Variants in RGPD2 observed in about 807,000 individuals in gnomAD.
RGPD2 encodes RANBP2 like and GRIP domain containing 2, also known as RANBP2-like and GRIP domain-containing protein 2.
RGPD2 carries 2 observed loss-of-function variants against 36.0 expected under a neutral mutation model. That is an observed-to-expected ratio of 0.06 (90% CI 0.02 to 0.17). The LOEUF (loss-of-function observed/expected upper bound fraction) is 0.17. Ranked by LOEUF, RGPD2 falls within the 10% of genes least tolerant of loss-of-function variation. The pLI is 1.00. For synonymous variants in RGPD2, 19 were observed against 163.8 expected, an observed-to-expected ratio of 0.12 and a Z score of 6.75; for missense variants, 40 against 464.3, an observed-to-expected ratio of 0.09 and a Z score of 8.40.
At chr2:87,975,106 A>C in the RGPD2 span, among the ~76,000 whole-genome samples, 1 of 152,240 alleles carries the variant, frequency 6.6e-6, no homozygotes, top group African/African-American at 2.4e-5. Context: ...TACCAGGCTC[A>C]TTCCTGGTCC....
At chr2:87,853,474 T>C in the RGPD2 span, among the ~76,000 whole-genome samples, 1 of 151,666 alleles carries the variant, frequency 6.6e-6, no homozygotes, top group African/African-American at 2.4e-5. Context: ...TCCTCTCACC[T>C]TGGCCTCCCA....
At chr2:87,963,841 T>C in the RGPD2 span, among the ~76,000 whole-genome samples, 2 of 125,480 alleles carry the variant, frequency 1.6e-5, no homozygotes, top group Non-Finnish European at 3.3e-5. Context: ...TTCTTTCTTT[T>C]TTTTTTTTTT....
chr2:87,805,752 C>T (rs1218719009), intron 7 of RGPD2, among the ~76,000 whole-genome samples: 2 of 151,966 alleles, frequency 1.3e-5, no homozygotes, highest in East Asian at 1.9e-4. Context: ...TCCAGCTACT[C>T]GGGAGGCTGA....
chr2:87,977,653 C>T, the RGPD2 span, among the ~76,000 whole-genome samples: 48 of 148,152 alleles, frequency 3.2e-4, no homozygotes, highest in African/African-American at 4.2e-4. Flanking sequence ...TTTCTTTAAA[C>T]GAGAAAAAAA....
chr2:87,921,605 G>A, the RGPD2 span, among the ~76,000 whole-genome samples: 1 of 152,244 alleles, frequency 6.6e-6, no homozygotes, highest in East Asian at 1.9e-4. Context: ...CTGCAAGCCA[G>A]GACCATTGTA....
At chr2:87,913,530 AC>A in the RGPD2 span, among the ~76,000 whole-genome samples, 1 of 150,436 alleles carries the variant, frequency 6.6e-6, no homozygotes. Flanking sequence ...GTACCCTAAA[AC>A]TTAAAAGTAT....
the RGPD2 span, among the ~76,000 whole-genome samples, chr2:87,907,466 A>AGGTTCAAC: frequency 2.3e-4 from 1 of 4,370 alleles, no homozygotes; most frequent in African/African-American, 1.0e-3. Context: ...AAAAAAAAGA[A>AGGTTCAAC]TTGTGGGTAT....
chr2:87,985,905 C>G, the RGPD2 span: 2 of 1,593,270 alleles, frequency 1.3e-6, no homozygotes, highest in East Asian at 4.5e-5. Context: ...TGTTTGCAAA[C>G]ATGTTTGTAC....
the RGPD2 span, among the ~76,000 whole-genome samples, chr2:87,939,852 T>C: frequency 6.6e-6 from 1 of 152,072 alleles, no homozygotes; most frequent in East Asian, 1.9e-4. Flanking sequence ...GATCAGAAAA[T>C]TTAAATTTAA....
At chr2:87,852,679 G>A in the RGPD2 span, among the ~76,000 whole-genome samples, 1 of 152,238 alleles carries the variant, frequency 6.6e-6, no homozygotes, top group East Asian at 1.9e-4. Flanking sequence ...TCTCAAGGTT[G>A]TCACATTTGC....
At chr2:87,838,934 T>C in the RGPD2 span, among the ~76,000 whole-genome samples, 1 of 89,610 alleles carries the variant, frequency 1.1e-5, no homozygotes, top group Middle Eastern at 4.2e-3. Flanking sequence ...GAAGAAAACC[T>C]ATGAAATACC....
chr2:87,827,572 A>C (rs1686858835), upstream of RGPD2, among the ~76,000 whole-genome samples: 3 of 121,676 alleles, frequency 2.5e-5, no homozygotes, highest in East Asian at 7.0e-4. Context: ...CAGCAATAAT[A>C]AATCCTGGCT....
At chr2:87,989,390 T>C in the RGPD2 span, among the ~76,000 whole-genome samples, 1 of 151,316 alleles carries the variant, frequency 6.6e-6, no homozygotes, top group African/African-American at 2.4e-5. Context: ...GTCTAATCTT[T>C]ATACAGTGAG....
chr2:87,978,686 A>C, the RGPD2 span, among the ~76,000 whole-genome samples: 1 of 89,298 alleles, frequency 1.1e-5, no homozygotes, highest in African/African-American at 3.8e-5. Context: ...TAGGGGCAGG[A>C]GGACTGCTTG....
At chr2:87,835,822 T>TA in the RGPD2 span, among the ~76,000 whole-genome samples, 1 of 80,576 alleles carries the variant, frequency 1.2e-5, no homozygotes, top group East Asian at 3.4e-4. Context: ...GAGAAAAACT[T>TA]GTTTTTCCCA....
Position 87,781,459 on chromosome 2 carries a change from T to G in RGPD2, c.4900+665A>C, listed in dbSNP as rs1440753379. Among the ~76,000 whole-genome samples, 95 of 138,658 alleles carry G rather than the reference T, an allele frequency of 6.9e-4. 1 individual carries two copies. Among genetic ancestry groups the G allele is most frequent in the Middle Eastern group, 3.5e-3 (1 of 282 alleles). 91.0% of individuals were successfully genotyped at this position (138,658 alleles called of 152,430 possible). On this transcript the variant is annotated intron_variant, in intron 20 of 22. Coordinates refer to ENST00000398146, the MANE Select transcript of RGPD2 (RefSeq NM_001078170.3). ...TCTCAATATCATGGTTTTTTTTGTT[T>G]TTTTGTTTTTTTTTTTTTTTTTGGA... is the stretch of plus-strand genomic sequence containing the variant.
chr2:87,829,542 G>C (rs1337535449), upstream of RGPD2, among the ~76,000 whole-genome samples: 2 of 151,946 alleles, frequency 1.3e-5, no homozygotes, highest in Non-Finnish European at 2.9e-5. Flanking sequence ...GTTCCACATG[G>C]CTGGGGAGGC....
the RGPD2 span, among the ~76,000 whole-genome samples, chr2:87,958,010 A>G: frequency 1.3e-5 from 2 of 152,236 alleles, no homozygotes; most frequent in Non-Finnish European, 2.9e-5. Context: ...AGATGTAGCT[A>G]ATTAAACATA....
At chr2:87,864,732 T>C in the RGPD2 span, among the ~76,000 whole-genome samples, 3 of 152,398 alleles carry the variant, frequency 2.0e-5, no homozygotes, top group South Asian at 6.2e-4. Flanking sequence ...ATGTGCTTGT[T>C]TACCATCTGT....
Sources: allele counts gnomAD v4.1 joint callset (sites outside exome capture counted in the v4.1 genomes callset), GRCh38; gene constraint gnomAD v4.1.1; transcripts MANE v1.5; gene names NCBI Gene and HGNC (gene_info 2026-07-23, HGNC 2026-07-21).